The following ITGA1 variants were observed in gnomAD, a reference collection of about 807,000 sequenced individuals.
The protein encoded by ITGA1 is integrin subunit alpha 1.
Under a neutral mutation model 145.9 loss-of-function variants are expected in ITGA1, and 85 were observed. The ratio of observed to expected loss-of-function variants is 0.58; its 90% CI spans 0.49 to 0.70. The LOEUF (loss-of-function observed/expected upper bound fraction) is 0.70. Among genes scored for constraint, ITGA1 ranks in the 30% least tolerant of loss-of-function variants. ITGA1 has a pLI of 0.00. For synonymous variants in ITGA1, 520 were observed against 495.3 expected (o/e 1.05, Z -0.66); for missense variants, 1,351 against 1,418.7 (o/e 0.95, Z 0.77).
chr5:52,918,396 T>C (rs918378237), intron 15 of ITGA1, among the ~76,000 whole-genome samples: 2 of 152,134 alleles, frequency 1.3e-5, no homozygotes, highest in African/African-American at 4.8e-5. Context: ...CCTTTAGACT[T>C]CTTTCAAATT....
At position 52,893,772 on chromosome 5, in the gene ITGA1, A is replaced by G. The variant is rs1415396844; in HGVS notation, c.1022A>G (p.Asn341Ser). 2.5e-6 allele frequency: 4 copies of G among 1,612,842 alleles called. No individual in the cohort carries two copies. The highest frequency in any genetic ancestry group is 1.3e-5 in the African/African-American group (1 of 74,990). The change falls in exon 9 of 29, where the codon AAT becomes AGT. Residue 341 changes from asparagine (N) to serine (S), a missense_variant. Physicochemically the swap from Asn to Ser is conservative, Grantham distance 46. Coordinates refer to ENST00000282588, the MANE Select transcript of ITGA1 (RefSeq NM_181501.2). The part of the protein sequence containing the change: ...ASEPTEKHFF[N>S]VSDELALVTI... ...GAACCCACTGAAAAGCATTTCTTCA[A>G]TGTCTCTGATGAATTGGCTCTAGTC...
chr5:52,878,765 C>A (rs759310441), intron 6 of ITGA1, among the ~76,000 whole-genome samples: 2 of 151,906 alleles, frequency 1.3e-5, no homozygotes, highest in African/African-American at 2.4e-5. Context: ...TAAAAGGAGA[C>A]CAGGTTACAA....
At chr5:52,886,043 C>G (rs1274348567) in intron 7 of ITGA1, among the ~76,000 whole-genome samples, 2 of 151,958 alleles carry the variant, frequency 1.3e-5, no homozygotes, top group Non-Finnish European at 2.9e-5. Flanking sequence ...GATCAGATAC[C>G]AAGGATGAGG....
rs33977926 is a variant in ITGA1, at chr5:52,832,765, CTGTGTGTGTGTGTGTGTG to C, written c.62-16570_62-16553del. 1.6e-3 allele frequency among the ~76,000 whole-genome samples: 139 copies of C among 86,772 alleles called. 1 individual carries two copies. The highest frequency in any genetic ancestry group is 5.3e-3 in the African/African-American group (123 of 23,116). 56.9% of individuals were successfully genotyped at this position (86,772 alleles called of 152,430 possible). On this transcript the variant is annotated intron_variant, in intron 1 of 28. Coordinates refer to ENST00000282588, the MANE Select transcript of ITGA1 (RefSeq NM_181501.2). ...TTTATTCTGGCAGAAATATATAAAT[CTGTGTGTGTGTGTGTGTG>C]TGTGTGTGTGTGTGTGTGTGTGTGT...
intron 1 of ITGA1, among the ~76,000 whole-genome samples, chr5:52,795,707 T>G (rs1379899202): frequency 6.6e-6 from 1 of 151,966 alleles, no homozygotes; most frequent in Non-Finnish European, 1.5e-5. Flanking sequence ...TTGTTTTGTC[T>G]GATCCAGTTT....
Position 52,952,495 on chromosome 5 carries a change from TC to T in ITGA1, c.*46del. ...ATAATAACAATTATTCAATAATCTATCCTCAGGTTTGCCTCAAATATGTGAC... is the reference window on the plus strand; with the variant it reads ...ATAATAACAATTATTCAATAATCTATCTCAGGTTTGCCTCAAATATGTGAC... On this transcript the variant is annotated 3_prime_UTR_variant, in exon 29 of 29. Transcript: ENST00000282588. 1.1e-6 allele frequency: 1 copy of T among 932,902 alleles called. No individual in the cohort carries two copies. Among genetic ancestry groups the T allele is most frequent in the Non-Finnish European group, 1.6e-6 (1 of 624,640 alleles). The allele number at this position is 932,902 out of a possible 1,614,324, so 57.8% of individuals were successfully genotyped here.
intron 1 of ITGA1, chr5:52,803,413 C>G (rs1488543612): frequency 1.3e-5 from 2 of 151,846 alleles, no homozygotes; most frequent in Non-Finnish European, 2.9e-5. Context: ...AAAGTTGAAA[C>G]CTGATTGTTA....
At chr5:52,944,347 G>T (rs1014913405) in intron 26 of ITGA1, among the ~76,000 whole-genome samples, 3 of 152,124 alleles carry the variant, frequency 2.0e-5, no homozygotes, top group Admixed American at 2.0e-4. Flanking sequence ...TTCTCCAGGA[G>T]CCATTTAGGG....
chr5:52,842,152 C>G lies in ITGA1; in HGVS notation c.62-7213C>G, dbSNP rs144285826. 2.7e-3 allele frequency among the ~76,000 whole-genome samples: 404 copies of G among 152,032 alleles called. 1 individual carries two copies. Among genetic ancestry groups the G allele is most frequent in the African/African-American group, 9.0e-3 (374 of 41,478 alleles). On this transcript the variant is annotated intron_variant, in intron 1 of 28. Transcript: ENST00000282588. ...AATTTTCATTAGAGTGAAAGAAGGC[C>G]CAACTTGTGATTGGCTCAGATCCTA...
At chr5:52,911,465 C>A (rs1458584180) in intron 14 of ITGA1, among the ~76,000 whole-genome samples, 5 of 124,888 alleles carry the variant, frequency 4.0e-5, no homozygotes, top group Admixed American at 8.4e-5. Flanking sequence ...TATAGTGTAT[C>A]TAGTATATAG....
At chr5:52,945,634 A>AC (rs1159790247) in intron 27 of ITGA1, among the ~76,000 whole-genome samples, 2 of 152,218 alleles carry the variant, frequency 1.3e-5, no homozygotes, top group Non-Finnish European at 2.9e-5. Context: ...CTCTAAAAAA[A>AC]TAAAATAAAA....
intron 14 of ITGA1, among the ~76,000 whole-genome samples, chr5:52,911,991 AGT>A (rs368173589): frequency 0.021 from 659 of 31,306 alleles, 24 homozygotes; most frequent in African/African-American, 0.069. Context: ...CTATATGTAT[AGT>A]GTGTATCTAC....
Position 52,944,999 on chromosome 5 carries a change from A to T in ITGA1, c.3342A>T (p.Ala1114=), listed in dbSNP as rs185220542. 6.2e-7 allele frequency: 1 copy of T among 1,613,462 alleles called. No homozygotes were observed. The highest frequency in any genetic ancestry group is 2.2e-5 in the East Asian group (1 of 44,794). The part of the protein sequence containing the change: ...TIRGELRSEN[A]SLVLSSSNQK... ...GGGGAGAACTTCGGAGTGAAAATGC[A>T]TCTCTGGTTTTAAGTAGCAGCAATC... is the stretch of plus-strand genomic sequence containing the variant. The change falls in exon 27 of 29, where the codon GCA becomes GCT. Residue 1114 remains alanine, a synonymous_variant. Coordinates refer to ENST00000282588, the MANE Select transcript of ITGA1 (RefSeq NM_181501.2).
chr5:52,921,952 G>A (rs1750734581), intron 17 of ITGA1, among the ~76,000 whole-genome samples: 1 of 152,076 alleles, frequency 6.6e-6, no homozygotes, highest in African/African-American at 2.4e-5. Context: ...TATTGTTATT[G>A]GTGGCATGTT....
chr5:52,912,927 T>C (rs1202122201), intron 14 of ITGA1, among the ~76,000 whole-genome samples: 1 of 151,958 alleles, frequency 6.6e-6, no homozygotes, highest in Non-Finnish European at 1.5e-5. Context: ...TTTGCATTTT[T>C]AGTAGAGACG....
intron 2 of ITGA1, among the ~76,000 whole-genome samples, chr5:52,860,215 A>G (rs1243976638): frequency 6.6e-6 from 1 of 152,128 alleles, no homozygotes; most frequent in Non-Finnish European, 1.5e-5. Context: ...ATTGATAACT[A>G]TATTTATACT....
chr5:52,840,509 G>A lies in ITGA1; in HGVS notation c.62-8856G>A, dbSNP rs770593190. On this transcript the variant is annotated intron_variant, in intron 1 of 28. Coordinates refer to ENST00000282588, the MANE Select transcript of ITGA1 (RefSeq NM_181501.2). ...TTTTTATTTGGTGAAACATAGATCC[G>A]AAAGATGATGCTGATGTGGTGAAGG... is the stretch of plus-strand genomic sequence containing the variant. Among the ~76,000 whole-genome samples the A allele has an allele frequency of 1.6e-4, 24 of 152,284 alleles. No individual in the cohort carries two copies. The East Asian group carries it at 1.7e-3, about 11-fold the overall frequency.
intron 3 of ITGA1, 98 bp downstream of exon 3, chr5:52,861,657 GC>G: frequency 1.4e-6 from 1 of 731,226 alleles, no homozygotes; most frequent in South Asian, 1.7e-5. Context: ...TATCGTTTGA[GC>G]CCAGGAGTTT....
chr5:52,887,841 G>C lies in ITGA1; in HGVS notation c.800G>C (p.Gly267Ala), dbSNP rs1203433154. The C allele has an allele frequency of 2.5e-6, 4 of 1,613,406 alleles. No homozygotes were observed. The highest frequency in any genetic ancestry group is 3.4e-6 in the Non-Finnish European group (4 of 1,179,544). Residue 267 changes from glycine to alanine, a missense_variant, in exon 8 of 29, where the codon GGT (glycine) becomes GCT (alanine). Transcript: ENST00000282588. The part of the protein sequence containing the change: ...ARKEAFTEAR[G>A]ARRGVKKVMV... ...AAGGAGGCATTCACGGAAGCCCGGG[G>C]TGCCCGAAGAGGAGTTAAAAAAGTC...
Sources: gnomAD v4.1 joint callset for allele counts (sites outside exome capture counted in the v4.1 genomes callset) on GRCh38, gnomAD v4.1.1 for gene constraint, MANE v1.5 for transcripts, NCBI Gene and HGNC (gene_info 2026-07-23, HGNC 2026-07-21) for gene names.